The following ADGRL2 variants were observed in gnomAD, a reference collection of about 807,000 sequenced individuals.
ADGRL2 encodes adhesion G protein-coupled receptor L2, also known as calcium-independent alpha-latrotoxin receptor 2.
In ADGRL2, 44 loss-of-function variants were observed where a neutral mutation model predicts 157.4. The observed-to-expected ratio is 0.28, with a 90% CI of 0.22 to 0.36. The LOEUF (loss-of-function observed/expected upper bound fraction) is 0.36. Ranked by LOEUF, ADGRL2 falls within the 10% of genes least tolerant of loss-of-function variation. The pLI is 1.00. For missense variants in ADGRL2, 1,510 were observed against 1,768.9 expected, an observed-to-expected ratio of 0.85 and a Z score of 2.63; for synonymous variants, 585 against 624.7, an observed-to-expected ratio of 0.94 and a Z score of 0.95.
upstream of ADGRL2, among the ~76,000 whole-genome samples, chr1:81,696,547 T>C (rs1008847861): frequency 1.3e-5 from 2 of 151,858 alleles, no homozygotes; most frequent in African/African-American, 4.8e-5. Context: ...GGTCAGGAGA[T>C]AGAGATCATC....
Position 81,734,716 on chromosome 1 carries a change from C to A in ADGRL2, c.-142-27095C>A, listed in dbSNP as rs917553815. Among the ~76,000 whole-genome samples the A allele has an allele frequency of 1.3e-4, 19 of 148,806 alleles. 2 individuals carry two copies. Among genetic ancestry groups the A allele is most frequent in the African/African-American group, 4.7e-4 (19 of 40,804 alleles). Reference sequence around the variant, plus strand: ...TATGTTGTCTCTTAAGTCCTCTAATCAATGAAGAAACTGAGGCTTAAAGAG... The same window carrying A: ...TATGTTGTCTCTTAAGTCCTCTAATAAATGAAGAAACTGAGGCTTAAAGAG... On this transcript the variant is annotated intron_variant, in intron 1 of 20. Coordinates refer to the ADGRL2 transcript ENST00000359929.
intron 2 of ADGRL2, among the ~76,000 whole-genome samples, chr1:81,454,206 C>T (rs1346948856): frequency 2.0e-5 from 3 of 151,144 alleles, no homozygotes; most frequent in South Asian, 2.1e-4. Context: ...TTTTAATGCA[C>T]TAGAAGCATT....
chr1:81,650,574 C>CAAAAAAAAAAAAAAAA (rs1180168819), intron 3 of ADGRL2, among the ~76,000 whole-genome samples: 9 of 62,226 alleles, frequency 1.4e-4, no homozygotes, highest in South Asian at 5.2e-4. Context: ...GACTCCATCT[C>CAAAAAAAAAAAAAAAA]AAAAAAAAAA....
chr1:81,487,093 A>AG (rs1456805285), intron 2 of ADGRL2, among the ~76,000 whole-genome samples: 1 of 127,106 alleles, frequency 7.9e-6, no homozygotes, highest in Admixed American at 8.3e-5. Flanking sequence ...CATCTCTACA[A>AG]AAAAAAAAAA....
intron 1 of ADGRL2, among the ~76,000 whole-genome samples, chr1:81,308,265 C>A (rs958186152): frequency 6.6e-6 from 1 of 152,016 alleles, no homozygotes; most frequent in African/African-American, 2.4e-5. Flanking sequence ...TGTAGTTGTC[C>A]GTGAATATCT....
At chr1:81,501,582 G>A (rs539455371) in intron 2 of ADGRL2, among the ~76,000 whole-genome samples, 1 of 152,354 alleles carries the variant, frequency 6.6e-6, no homozygotes, top group South Asian at 2.1e-4. Context: ...ATAGGAGGCT[G>A]AGGCCCCGGC....
intron 1 of ADGRL2, among the ~76,000 whole-genome samples, chr1:81,760,326 G>A (rs1252087734): frequency 6.6e-6 from 1 of 152,110 alleles, no homozygotes; most frequent in Non-Finnish European, 1.5e-5. Flanking sequence ...CAATTGAGAT[G>A]AAATGTGCAA....
chr1:81,861,055 C>T (rs959429301), intron 2 of ADGRL2, among the ~76,000 whole-genome samples: 11 of 120,618 alleles, frequency 9.1e-5, no homozygotes, highest in African/African-American at 3.1e-4. Flanking sequence ...TTGCTCTTGT[C>T]GCCCAGGCTG....
At chr1:81,965,915 T>C in intron 11 of ADGRL2, 143 bp from the exon 12 acceptor site, 1 of 836,732 alleles carries the variant, frequency 1.2e-6, no homozygotes, top group Non-Finnish European at 1.8e-6. Flanking sequence ...TTTTAGTCCA[T>C]GATTTTTGTT....
At chr1:81,877,883 A>G (rs184367202) in intron 2 of ADGRL2, among the ~76,000 whole-genome samples, 8 of 152,268 alleles carry the variant, frequency 5.3e-5, no homozygotes, top group Non-Finnish European at 1.2e-4. Context: ...CCAGGTGTTA[A>G]TCATAAGTCA....
intron 1 of ADGRL2, among the ~76,000 whole-genome samples, chr1:81,308,699 A>G (rs1659522149): frequency 6.6e-6 from 1 of 152,216 alleles, no homozygotes; most frequent in Non-Finnish European, 1.5e-5. Flanking sequence ...TCAAAAGCAC[A>G]TATTTTATAG....
chr1:81,932,942 T>C (rs1464232747), intron 3 of ADGRL2, among the ~76,000 whole-genome samples: 2 of 152,138 alleles, frequency 1.3e-5, no homozygotes, highest in African/African-American at 4.8e-5. Context: ...CCTCAGGTGA[T>C]CCACCCACCT....
At chr1:81,832,571 C>G (rs182196952) in intron 1 of ADGRL2, among the ~76,000 whole-genome samples, 1 of 152,114 alleles carries the variant, frequency 6.6e-6, no homozygotes, top group Non-Finnish European at 1.5e-5. Flanking sequence ...AGGGTAAGAC[C>G]AGTGATGAAT....
At chr1:81,541,258 TAC>T (rs2148326178) in intron 2 of ADGRL2, among the ~76,000 whole-genome samples, 1 of 152,346 alleles carries the variant, frequency 6.6e-6, no homozygotes, top group South Asian at 2.1e-4. Flanking sequence ...TTATTATATT[TAC>T]AGACTGATTT....
chr1:81,466,408 G>A (rs1397709637), intron 2 of ADGRL2, among the ~76,000 whole-genome samples: 1 of 152,162 alleles, frequency 6.6e-6, no homozygotes, highest in African/African-American at 2.4e-5. Flanking sequence ...AGCAGGGACA[G>A]TGCAATTTGA....
chr1:81,333,762 C>CTAA, intron 1 of ADGRL2, among the ~76,000 whole-genome samples: 1 of 111,968 alleles, frequency 8.9e-6, no homozygotes, highest in Non-Finnish European at 1.8e-5. Context: ...GTTCCCTAAG[C>CTAA]AAAAAAAAAA....
At chr1:81,558,488 C>T (rs1410188756) in intron 2 of ADGRL2, among the ~76,000 whole-genome samples, 3 of 152,050 alleles carry the variant, frequency 2.0e-5, no homozygotes, top group Non-Finnish European at 4.4e-5. Context: ...AATGTCTCAC[C>T]CACTGGTTTG....
At chr1:81,854,125 G>A (rs1038909773) in intron 2 of ADGRL2, among the ~76,000 whole-genome samples, 1 of 151,952 alleles carries the variant, frequency 6.6e-6, no homozygotes, top group Non-Finnish European at 1.5e-5. Context: ...AATCATCTTT[G>A]CATTATGGCA....
rs1664821766 is a variant in ADGRL2 at position 81,993,058 on chromosome 1, C to CATACATATAT, written c.*1916_*1917insCATATATATA. ...AAATTAAGTGCATATATATAATATACATATATATATATATATATATATATA... is the reference window on the plus strand; with the variant it reads ...AAATTAAGTGCATATATATAATATACATACATATATATATATATATATATATATATATATA... On this transcript the variant is annotated 3_prime_UTR_variant, in exon 24 of 24. Transcript: ENST00000686636. Among the ~76,000 whole-genome samples, 1 of 40,846 alleles carries CATACATATAT rather than the reference C, an allele frequency of 2.4e-5. No individual in the cohort carries two copies. The highest frequency in any genetic ancestry group is 3.8e-5 in the Non-Finnish European group (1 of 25,976). 26.8% of individuals were successfully genotyped at this position (40,846 alleles called of 152,430 possible).
Sources: allele counts gnomAD v4.1 joint callset (sites outside exome capture counted in the v4.1 genomes callset), GRCh38; gene constraint gnomAD v4.1.1; transcripts MANE v1.5; gene names NCBI Gene and HGNC (gene_info 2026-07-23, HGNC 2026-07-21).